NIM1K: variants seen among roughly 807,000 people sequenced by gnomAD.
NIM1K encodes the protein NIM1 serine/threonine protein kinase, also known as serine/threonine-protein kinase NIM1.
NIM1K carries 35 observed loss-of-function variants against 37.1 expected under a neutral mutation model. The observed-to-expected ratio is 0.94, with a 90% confidence interval of 0.72 to 1.25. The LOEUF (loss-of-function observed/expected upper bound fraction) is 1.25. NIM1K is among the 50% of genes most tolerant of loss of function. NIM1K has a pLI of 0.00. For synonymous variants in NIM1K, 234 were observed against 206.6 expected, an observed-to-expected ratio of 1.13 and a Z score of -1.14; for missense variants, 564 against 548.0, an observed-to-expected ratio of 1.03 and a Z score of -0.29.
At chr5:43,249,903 A>AGTGTAGTG (rs938298890) in intron 2 of NIM1K, among the ~76,000 whole-genome samples, 1 of 123,732 alleles carries the variant, frequency 8.1e-6, no homozygotes, top group Non-Finnish European at 1.6e-5. Context: ...CCCACGCTGG[A>AGTGTAGTG]GTGTAGTGGT....
intron 1 of NIM1K, among the ~76,000 whole-genome samples, chr5:43,215,714 A>C (rs922205422): frequency 6.6e-6 from 1 of 152,180 alleles, no homozygotes; most frequent in Non-Finnish European, 1.5e-5. Flanking sequence ...GATTACAGGC[A>C]TGAGCCACCA....
At chr5:43,278,970 A>T (rs1401952466) in intron 3 of NIM1K, among the ~76,000 whole-genome samples, 2 of 152,222 alleles carry the variant, frequency 1.3e-5, no homozygotes, top group African/African-American at 2.4e-5. Flanking sequence ...ACCAAGTAAT[A>T]GAACAGATGG....
intron 1 of NIM1K, among the ~76,000 whole-genome samples, chr5:43,205,813 C>T (rs574612112): frequency 1.1e-4 from 17 of 152,158 alleles, no homozygotes; most frequent in Non-Finnish European, 1.8e-4. Flanking sequence ...CCCGGGTTCA[C>T]GCCATTCTCC....
intron 1 of NIM1K, among the ~76,000 whole-genome samples, chr5:43,241,670 A>T (rs1752705722): frequency 6.6e-6 from 1 of 152,040 alleles, no homozygotes; most frequent in Middle Eastern, 3.4e-3. Context: ...AATTTGTAAA[A>T]TTCTTTACTT....
chr5:43,272,561 C>T (rs554070747), intron 2 of NIM1K, among the ~76,000 whole-genome samples: 5 of 152,100 alleles, frequency 3.3e-5, no homozygotes, highest in Admixed American at 6.5e-5. Flanking sequence ...TTTTATTCCC[C>T]CAGCCCCTCA....
At chr5:43,213,440 G>A (rs922464090) in intron 1 of NIM1K, among the ~76,000 whole-genome samples, 2 of 149,130 alleles carry the variant, frequency 1.3e-5, no homozygotes, top group Non-Finnish European at 3.0e-5. Context: ...AGTGATTCTC[G>A]TGCCTCAGCC....
intron 1 of NIM1K, among the ~76,000 whole-genome samples, chr5:43,231,220 G>A (rs1204099470): frequency 2.6e-5 from 4 of 152,234 alleles, no homozygotes; most frequent in African/African-American, 9.6e-5. Context: ...AGGAGACTGA[G>A]TTGGGTGGAT....
Position 43,245,738 on chromosome 5 carries a change from C to G in NIM1K, c.-38C>G. On this transcript the variant is annotated 5_prime_UTR_variant, in exon 2 of 4. Coordinates refer to ENST00000326035, the MANE Select transcript of NIM1K (RefSeq NM_153361.4). ...GCCTCTTCTGCTCCTGCACAACCTG[C>G]CTCTTCGCTGAGATGGAGACGTGAG... 6.5e-7 allele frequency: 1 copy of G among 1,537,962 alleles called. No individual in the cohort carries two copies. Among genetic ancestry groups the G allele is most frequent in the Non-Finnish European group, 8.8e-7 (1 of 1,138,852 alleles).
At chr5:43,224,252 A>T (rs1579965045) in intron 1 of NIM1K, among the ~76,000 whole-genome samples, 1 of 151,810 alleles carries the variant, frequency 6.6e-6, no homozygotes, top group Non-Finnish European at 1.5e-5. Context: ...CCTCACCCCT[A>T]ACACCCCCAG....
At chr5:43,233,115 G>A (rs1752566074) in intron 1 of NIM1K, 4 of 1,344,750 alleles carry the variant, frequency 3.0e-6, no homozygotes, top group Non-Finnish European at 1.1e-6. Flanking sequence ...AGGGCTCCCA[G>A]CAGGCATTGC....
intron 2 of NIM1K, 80 bp from the exon 3 acceptor site, chr5:43,276,977 A>G: frequency 7.2e-7 from 1 of 1,384,614 alleles, no homozygotes; most frequent in Non-Finnish European, 1.0e-6. Flanking sequence ...TAGTAAAGGA[A>G]AGGAGCTGAT....
intron 1 of NIM1K, among the ~76,000 whole-genome samples, chr5:43,241,354 G>T: frequency 6.7e-6 from 1 of 148,554 alleles, no homozygotes. Context: ...TTTTTGAGAC[G>T]GAGTCTCGCT....
At chr5:43,252,054 G>A (rs1158998126) in intron 2 of NIM1K, among the ~76,000 whole-genome samples, 5 of 152,012 alleles carry the variant, frequency 3.3e-5, no homozygotes, top group South Asian at 2.1e-4. Flanking sequence ...TAGCTAAGCC[G>A]AGAAGTTTCT....
At chr5:43,228,185 C>T (rs1390621228) in intron 1 of NIM1K, among the ~76,000 whole-genome samples, 4 of 151,220 alleles carry the variant, frequency 2.6e-5, no homozygotes, top group Admixed American at 1.3e-4. Flanking sequence ...CTCGCTCTGT[C>T]GCCCAGGCTG....
rs752748944 is a variant in NIM1K, at chr5:43,246,026, A to C, written c.251A>C (p.Asn84Thr). 31 of 1,613,770 alleles carry C rather than the reference A, an allele frequency of 1.9e-5. No homozygotes were observed. The highest frequency in any genetic ancestry group is 2.3e-5 in the Non-Finnish European group (27 of 1,179,842). ...YRIRGEIGSG[N>T]FSQVKLGIHS... Reference sequence around the variant, plus strand: ...ATTCGAGGGGAAATCGGAAGTGGAAACTTCTCCCAAGTGAAGCTTGGGATT... The same window carrying C: ...ATTCGAGGGGAAATCGGAAGTGGAACCTTCTCCCAAGTGAAGCTTGGGATT... Residue 84 changes from asparagine to threonine, a missense_variant, in exon 2 of 4, where the codon AAC becomes ACC. By Grantham distance (65) the Asn-to-Thr change is moderately conservative. Transcript: ENST00000326035.
intron 1 of NIM1K, chr5:43,193,706 T>G (rs1424433866): frequency 6.6e-6 from 1 of 152,238 alleles, no homozygotes; most frequent in African/African-American, 2.4e-5. Context: ...TTGAAAAGTA[T>G]GTATCACACT....
intron 1 of NIM1K, among the ~76,000 whole-genome samples, chr5:43,211,640 G>A (rs1417289211): frequency 6.6e-6 from 1 of 152,196 alleles, no homozygotes; most frequent in Non-Finnish European, 1.5e-5. Context: ...AGGGCATATG[G>A]AGGGGGGTAA....
chr5:43,198,207 C>CTTTCTTCTTTCTTTCTTTCTTTCTT (rs1281355308), intron 1 of NIM1K, among the ~76,000 whole-genome samples: 1 of 48,872 alleles, frequency 2.0e-5, no homozygotes, highest in African/African-American at 7.9e-5. Context: ...TTCTTTCTTT[C>CTTTCTTCTTTCTTTCTTTCTTTCTT]TCTTTCTTTC....
intron 1 of NIM1K, among the ~76,000 whole-genome samples, chr5:43,233,854 G>C (rs1211016925): frequency 6.6e-6 from 1 of 152,198 alleles, no homozygotes; most frequent in African/African-American, 2.4e-5. Context: ...TTGCTGCTCA[G>C]GGCCACCTTC....
Sources: allele counts gnomAD v4.1 joint callset (sites outside exome capture counted in the v4.1 genomes callset), GRCh38; gene constraint gnomAD v4.1.1; transcripts MANE v1.5; gene names NCBI Gene and HGNC (gene_info 2026-07-23, HGNC 2026-07-21).